ACOXL: variants seen among roughly 807,000 people sequenced by gnomAD.
The protein encoded by ACOXL is acyl-CoA oxidase like.
In ACOXL, 70 loss-of-function variants were observed where a neutral mutation model predicts 71.9. That is an observed-to-expected ratio of 0.97 (90% CI 0.80 to 1.19). The LOEUF (loss-of-function observed/expected upper bound fraction) is 1.19, where lower values mean the gene tolerates loss of function less well. Among genes scored for constraint, ACOXL ranks in the 50% most tolerant of loss-of-function variants. ACOXL has a pLI of 0.00. For synonymous variants in ACOXL, 253 were observed against 281.6 expected (o/e 0.90, Z 1.02); for missense variants, 703 against 736.3 (o/e 0.95, Z 0.52).
chr2:111,029,895 G>T (rs1476120221), intron 14 of ACOXL, among the ~76,000 whole-genome samples: 1 of 152,096 alleles, frequency 6.6e-6, no homozygotes, highest in Non-Finnish European at 1.5e-5. Flanking sequence ...GAGGGGTGCA[G>T]TTGTAGCCAG....
intron 12 of ACOXL, among the ~76,000 whole-genome samples, chr2:110,935,948 T>C (rs1322318034): frequency 6.6e-6 from 1 of 152,120 alleles, no homozygotes; most frequent in African/African-American, 2.4e-5. Flanking sequence ...AGCGTGCAGA[T>C]CTCTCACATG....
chr2:110,883,776 G>T (rs781373953), intron 10 of ACOXL, among the ~76,000 whole-genome samples: 24 of 151,978 alleles, frequency 1.6e-4, no homozygotes, highest in Non-Finnish European at 3.2e-4. Flanking sequence ...TATGAAAATT[G>T]TTCATACATG....
rs145653071 is a variant in ACOXL, at chr2:110,963,650, A to C, written c.1060-23458A>C. ...GTTACATGATGGAAAATCGAATCTC[A>C]GGCTTAAAGTGTGACACAGATGTGT... On this transcript the variant is annotated intron_variant, in intron 12 of 17. Coordinates refer to ENST00000439055, the MANE Select transcript of ACOXL (RefSeq NM_001142807.4). 54 of 1,613,276 alleles carry C rather than the reference A, an allele frequency of 3.3e-5. No homozygotes were observed. The East Asian group carries it at 1.2e-3, about 36-fold the overall frequency.
intron 2 of ACOXL, among the ~76,000 whole-genome samples, chr2:110,769,463 A>C (rs191952092): frequency 2.0e-5 from 3 of 152,172 alleles, no homozygotes; most frequent in Non-Finnish European, 4.4e-5. Flanking sequence ...TGGCCTGGGC[A>C]ACATGGTGAA....
chr2:111,029,828 G>A (rs1442215400), intron 14 of ACOXL, among the ~76,000 whole-genome samples: 1 of 152,130 alleles, frequency 6.6e-6, no homozygotes, highest in Non-Finnish European at 1.5e-5. Flanking sequence ...GCCTTCAAGG[G>A]GCCTTTCCTC....
At position 110,779,693 on chromosome 2, in the gene ACOXL, G is replaced by A. The variant is rs550834852; in HGVS notation, c.76-5039G>A. On this transcript the variant is annotated intron_variant, in intron 2 of 17. Transcript: ENST00000439055. ...CATATATGACCAATTGAGTTGCCAA[G>A]GCAATTCAATGGGAAAAGCAATGTC... Among the ~76,000 whole-genome samples, 11 of 152,304 alleles carry A rather than the reference G, an allele frequency of 7.2e-5. No homozygotes were observed. The East Asian group carries it at 2.1e-3, about 29-fold the overall frequency.
In ACOXL at chr2:110,933,489, G is replaced by A. The variant is rs1172051193; in HGVS notation, c.906G>A (p.Arg302=). The A allele has an allele frequency of 1.2e-6, 2 of 1,613,600 alleles. No individual in the cohort carries two copies. Among genetic ancestry groups the A allele is most frequent in the Non-Finnish European group, 1.7e-6 (2 of 1,179,712 alleles). ...ATALALTFVS[R]YAGALLDEDV... ...CACACATGTCTGCTTTGTCCTGCAG[G>A]TATGCTGGGGCCCTCCTGGATGAGG... The change falls in exon 12 of 18, where the codon AGG becomes AGA. Residue 302 remains arginine, a splice_region_variant and synonymous_variant. Transcript: ENST00000439055.
chr2:110,791,888 A>C (rs1684692699), intron 3 of ACOXL, among the ~76,000 whole-genome samples: 1 of 152,198 alleles, frequency 6.6e-6, no homozygotes, highest in African/African-American at 2.4e-5. Context: ...GCTGTAATTC[A>C]GGAGTCTAGG....
chr2:111,020,792 C>T (rs2064717975), intron 14 of ACOXL, among the ~76,000 whole-genome samples: 3 of 152,272 alleles, frequency 2.0e-5, no homozygotes, highest in South Asian at 2.1e-4. Context: ...CCAGACAGAT[C>T]GTATTCTTTG....
At chr2:111,094,072 T>C (rs1471701263) in intron 17 of ACOXL, 2 of 152,422 alleles carry the variant, frequency 1.3e-5, no homozygotes, top group African/African-American at 4.8e-5. Context: ...GAAAATGCAG[T>C]TGAAACTTCA....
chr2:110,935,837 T>G (rs1574190592), intron 12 of ACOXL, among the ~76,000 whole-genome samples: 1 of 151,890 alleles, frequency 6.6e-6, no homozygotes. Flanking sequence ...AAGACAATTT[T>G]TCCATGGATG....
At chr2:110,957,659 A>G (rs888637847) in intron 12 of ACOXL, among the ~76,000 whole-genome samples, 2 of 152,166 alleles carry the variant, frequency 1.3e-5, no homozygotes, top group African/African-American at 4.8e-5. Flanking sequence ...ATATTGAATT[A>G]GGGCTGCTCA....
intron 9 of ACOXL, among the ~76,000 whole-genome samples, chr2:110,821,853 T>C (rs1474065545): frequency 6.6e-6 from 1 of 152,218 alleles, no homozygotes; most frequent in East Asian, 1.9e-4. Context: ...ACTACTTTCT[T>C]TTGTTGCTCA....
At chr2:110,789,122 G>A (rs1414089039) in intron 3 of ACOXL, among the ~76,000 whole-genome samples, 2 of 152,206 alleles carry the variant, frequency 1.3e-5, no homozygotes, top group Admixed American at 6.5e-5. Flanking sequence ...ACAGCCAAGT[G>A]CTGGCAGGGC....
intron 8 of ACOXL, among the ~76,000 whole-genome samples, chr2:110,802,311 G>C (rs1686106117): frequency 6.6e-6 from 1 of 152,200 alleles, no homozygotes; most frequent in African/African-American, 2.4e-5. Context: ...GTGTGTTCTG[G>C]GGGTGGAGCT....
chr2:110,818,637 T>TG (rs1688251835), intron 9 of ACOXL, among the ~76,000 whole-genome samples: 1 of 151,910 alleles, frequency 6.6e-6, no homozygotes, highest in Non-Finnish European at 1.5e-5. Flanking sequence ...AGACGGGGGA[T>TG]GGGGGAGATT....
Position 110,897,985 on chromosome 2 carries a change from A to G in ACOXL, c.789-10804A>G, listed in dbSNP as rs2059081902. Reference sequence around the variant, plus strand: ...GAACAACTCTGTAAACATAAAATTGAAAACTTAGAGTAAAGAATAAATTCG... The same window carrying G: ...GAACAACTCTGTAAACATAAAATTGGAAACTTAGAGTAAAGAATAAATTCG... On this transcript the variant is annotated intron_variant, in intron 10 of 17. Transcript: ENST00000439055. Among the ~76,000 whole-genome samples, 3 of 152,184 alleles carry G rather than the reference A, an allele frequency of 2.0e-5. No individual in the cohort carries two copies. The South Asian group carries it at 6.2e-4, about 32-fold the overall frequency.
intron 14 of ACOXL, among the ~76,000 whole-genome samples, chr2:111,019,959 C>G (rs531574233): frequency 5.8e-4 from 88 of 152,296 alleles, no homozygotes; most frequent in Non-Finnish European, 9.8e-4. Context: ...CTCTCCGGTT[C>G]AAGCGATTCT....
chr2:110,765,724 C>A (rs1018149704), intron 1 of ACOXL, among the ~76,000 whole-genome samples: 2 of 152,078 alleles, frequency 1.3e-5, no homozygotes, highest in Non-Finnish European at 2.9e-5. Flanking sequence ...GTCTCTGGGA[C>A]CTCTTTTGTA....
Sources: gnomAD v4.1 joint callset for allele counts (sites outside exome capture counted in the v4.1 genomes callset) on GRCh38, gnomAD v4.1.1 for gene constraint, MANE v1.5 for transcripts, NCBI Gene and HGNC (gene_info 2026-07-23, HGNC 2026-07-21) for gene names.